OR10A3: variants seen among roughly 807,000 people sequenced by gnomAD.
The protein encoded by OR10A3 is olfactory receptor family 10 subfamily A member 3, also known as olfactory receptor 10A3.
OR10A3 carries 1 observed loss-of-function variant against 1.5 expected under a neutral mutation model. The observed-to-expected ratio is 0.66, with a 90% CI of 0.23 to 3.11. The LOEUF (loss-of-function observed/expected upper bound fraction) is 3.11. Ranked by LOEUF, OR10A3 falls within the 30% of genes most tolerant of loss-of-function variation. OR10A3 has a pLI of 0.21. For synonymous variants in OR10A3, 145 were observed against 143.7 expected, an observed-to-expected ratio of 1.01 and a Z score of -0.06; for missense variants, 398 against 369.7, an observed-to-expected ratio of 1.08 and a Z score of -0.63.
chr11:7,939,049 C>G lies in OR10A3; in HGVS notation c.472G>C (p.Val158Leu). The G allele has an allele frequency of 6.2e-7, 1 of 1,613,956 alleles. No individual in the cohort carries two copies. The highest frequency in any genetic ancestry group is 1.1e-5 in the South Asian group (1 of 91,080). The change falls in exon 2 of 2, where the codon GTG becomes CTG. Residue 158 changes from valine to leucine, a missense_variant. Val to Leu is a conservative substitution (Grantham distance 32). Coordinates refer to ENST00000642047, the MANE Select transcript of OR10A3 (RefSeq NM_001003745.2). Reference protein sequence around the residue: ...SWISGIMVATVQTTWVFSFPF... With the variant: ...SWISGIMVATLQTTWVFSFPF... ...AAACTAAATACCCAAGTGGTCTGCA[C>G]AGTAGCCACCATGATCCCTGAGATC...
intron 1 of OR10A3, among the ~76,000 whole-genome samples, chr11:7,939,940 G>A (rs893425474): frequency 1.3e-5 from 2 of 152,172 alleles, no homozygotes; most frequent in Non-Finnish European, 2.9e-5. Context: ...AAGAGCAACT[G>A]AACCTGAGTT....
Position 7,939,430 on chromosome 11 carries a change from A to G in OR10A3, c.91T>C (p.Phe31Leu). 1 of 1,613,618 alleles carries G rather than the reference A, an allele frequency of 6.2e-7. No individual in the cohort carries two copies. The highest frequency in any genetic ancestry group is 8.5e-7 in the Non-Finnish European group (1 of 1,179,886). Residue 31 changes from phenylalanine to leucine, a missense_variant, in exon 2 of 2, where the codon TTC (phenylalanine) becomes CTC (leucine). Transcript: ENST00000642047. ...PELQVQLFGV[F>L]LVIYVVTLMG... ...AGGGTCACCACATAAATAACTAGGA[A>G]AACCCCAAAGAGCTGCACCTGGAGC... is the stretch of plus-strand genomic sequence containing the variant.
chr11:7,938,990 G>T lies in OR10A3; in HGVS notation c.531C>A (p.Leu177=). ...CTAGTACCGGGGGAGTCTCACAGAA[G>T]AGATGATTAATTTCATTGGGGCCAC... ...PFCGPNEINH[L]FCETPPVLEL... is the part of the protein sequence containing the mutation. The change falls in exon 2 of 2, where the codon CTC becomes CTA. Residue 177 remains leucine (L), a synonymous_variant. Coordinates refer to ENST00000642047, the MANE Select transcript of OR10A3 (RefSeq NM_001003745.2). The T allele has an allele frequency of 6.2e-6, 10 of 1,614,164 alleles. No individual in the cohort carries two copies. Among genetic ancestry groups the T allele is most frequent in the Non-Finnish European group, 7.6e-6 (9 of 1,180,038 alleles).
Position 7,938,925 on chromosome 11 carries a change from G to A in OR10A3, c.596C>T (p.Ala199Val). The A allele has an allele frequency of 6.2e-7, 1 of 1,614,122 alleles. No individual in the cohort carries two copies. The change falls in exon 2 of 2, where the codon GCC (alanine) becomes GTC (valine). Residue 199 changes from alanine to valine, a missense_variant. Physicochemically the swap from Ala to Val is moderately conservative, Grantham distance 64 (BLOSUM62 0). Coordinates refer to ENST00000642047, the MANE Select transcript of OR10A3 (RefSeq NM_001003745.2). Reference protein sequence around the residue: ...CADTFLFEIYAFTGTILIVMV... With the variant: ...CADTFLFEIYVFTGTILIVMV... Reference sequence around the variant, plus strand: ...AACAATCAAAATGGTGCCTGTGAAGGCATAGATTTCAAATAAGAAGGTGTC... The same window carrying A: ...AACAATCAAAATGGTGCCTGTGAAGACATAGATTTCAAATAAGAAGGTGTC...
In OR10A3 at chr11:7,939,619, C is replaced by T. The variant is rs980667163; in HGVS notation, c.-99G>A. 2.7e-5 allele frequency: 24 copies of T among 902,326 alleles called. 1 individual carries two copies. The highest frequency in any genetic ancestry group is 3.6e-5 in the Non-Finnish European group (22 of 616,444). 55.9% of individuals were successfully genotyped at this position (902,326 alleles called of 1,614,324 possible). A position where few individuals can be genotyped will look rare whatever the true frequency, so the allele number is the denominator to read the frequency against. On this transcript the variant is annotated 5_prime_UTR_variant, in exon 2 of 2. Coordinates refer to ENST00000642047, the MANE Select transcript of OR10A3 (RefSeq NM_001003745.2). ...AGTTCAAGTCTGGAATTCTTGACAGCAGATGTAATGACAAGCTCATTTTGA... is the reference window on the plus strand; with the variant it reads ...AGTTCAAGTCTGGAATTCTTGACAGTAGATGTAATGACAAGCTCATTTTGA...
intron 1 of OR10A3, among the ~76,000 whole-genome samples, chr11:7,941,109 C>G (rs547995089): frequency 6.6e-6 from 1 of 152,116 alleles, no homozygotes; most frequent in East Asian, 1.9e-4. Flanking sequence ...AAAAAAATGC[C>G]TAAGTATCAT....
At position 7,939,513 on chromosome 11, in the gene OR10A3, C is replaced by G. The variant is rs771040229; in HGVS notation, c.8G>C (p.Arg3Thr). Residue 3 changes from arginine (R) to threonine (T), a missense_variant, in exon 2 of 2, where the codon AGA becomes ACA. By Grantham distance (71) the Arg-to-Thr change is moderately conservative (BLOSUM62 -1). Coordinates refer to ENST00000642047, the MANE Select transcript of OR10A3 (RefSeq NM_001003745.2). MKRQNQSCVVEFI... is the reference protein window; with the variant it reads MKTQNQSCVVEFI... ...TTCAACCACACAGCTTTGATTTTGT[C>G]TTTTCATTTCAGTAGTTGAAACTTA... 9 of 1,558,824 alleles carry G rather than the reference C, an allele frequency of 5.8e-6. No homozygotes were observed. The Admixed American group carries it at 1.9e-4, about 33-fold the overall frequency.
Position 7,938,873 on chromosome 11 carries a change from C to G in OR10A3, c.648G>C (p.Leu216Phe). 1.2e-6 allele frequency: 2 copies of G among 1,614,130 alleles called. No homozygotes were observed. Among genetic ancestry groups the G allele is most frequent in the Non-Finnish European group, 8.5e-7 (1 of 1,180,030 alleles). Residue 216 changes from leucine to phenylalanine, a missense_variant, in exon 2 of 2, where the codon TTG (leucine) becomes TTC (phenylalanine). Physicochemically the swap from Leu to Phe is conservative, Grantham distance 22. Coordinates refer to ENST00000642047, the MANE Select transcript of OR10A3 (RefSeq NM_001003745.2). ...TGGCAAACAGAACTCGAATGTAAGA[C>G]AAGAGGATCAACAAGAAAGGAACCA... ...IVMVPFLLIL[L>F]SYIRVLFAIL...
At position 7,939,557 on chromosome 11, in the gene OR10A3, G is replaced by C. The variant is rs1658830641; in HGVS notation, c.-37C>G. 2 of 1,455,018 alleles carry C rather than the reference G, an allele frequency of 1.4e-6. No homozygotes were observed. The highest frequency in any genetic ancestry group is 2.8e-5 in the African/African-American group (2 of 70,186). The allele number at this position is 1,455,018 out of a possible 1,614,324, so 90.1% of individuals were successfully genotyped here. On this transcript the variant is annotated 5_prime_UTR_variant, in exon 2 of 2. Transcript: ENST00000642047. ...AAACTTATATTGTTTTTATGGACCT[G>C]GTATATCGAGTATGAAGTCGTAATC...
Position 7,937,734 on chromosome 11 carries a change from C to T in OR10A3, c.*842G>A, listed in dbSNP as rs1195623397. The T allele has an allele frequency of 6.6e-6, 1 of 152,042 alleles. No individual in the cohort carries two copies. The highest frequency in any genetic ancestry group is 2.1e-4 in the South Asian group (1 of 4,824). The allele number at this position is 152,042 out of a possible 1,614,324, so 9.4% of individuals were successfully genotyped here. A position where few individuals can be genotyped will look rare whatever the true frequency, so the allele number is the denominator to read the frequency against. On this transcript the variant is annotated 3_prime_UTR_variant, in exon 2 of 2. Transcript: ENST00000642047. Reference sequence around the variant, plus strand: ...TAGATGCACTTTTTTTTTACTCATCCGTGGAACAAATTTTCAATCCAAAAA... The same window carrying T: ...TAGATGCACTTTTTTTTTACTCATCTGTGGAACAAATTTTCAATCCAAAAA...
chr11:7,937,297 T>C lies in OR10A3; in HGVS notation c.*1279A>G, dbSNP rs1941368987. The C allele has an allele frequency of 1.3e-5, 2 of 152,168 alleles. No individual in the cohort carries two copies. Among genetic ancestry groups the C allele is most frequent in the Admixed American group, 1.3e-4 (2 of 15,270 alleles). The allele number at this position is 152,168 out of a possible 1,614,324, so 9.4% of individuals were successfully genotyped here. A position where few individuals can be genotyped will look rare whatever the true frequency, so the allele number is the denominator to read the frequency against. On this transcript the variant is annotated 3_prime_UTR_variant, in exon 2 of 2. Transcript: ENST00000642047. Reference sequence around the variant, plus strand: ...AGAATATGTATATCTAATCTTAACATCACAGTATCAGTTTTATTCCAATTA... The same window carrying C: ...AGAATATGTATATCTAATCTTAACACCACAGTATCAGTTTTATTCCAATTA...
Position 7,938,585 on chromosome 11 carries a change from G to A in OR10A3, c.936C>T (p.His312=), listed in dbSNP as rs926817523. 1.2e-6 allele frequency: 2 copies of A among 1,609,536 alleles called. No individual in the cohort carries two copies. The highest frequency in any genetic ancestry group is 1.7e-6 in the Non-Finnish European group (2 of 1,177,674). The change falls in exon 2 of 2, where the codon CAC becomes CAT. Residue 312 remains histidine, a synonymous_variant. Transcript: ENST00000642047. The stretch of plus-strand genomic sequence containing the variant: ...CAGCTTCTCAACACAATCAGAATGT[G>A]TGTAAAATCACTTTTCTTCGCCATA... ...IKLWRRKVIL[H]TF
chr11:7,939,216 T>G lies in OR10A3; in HGVS notation c.305A>C (p.Tyr102Ser). The part of the protein sequence containing the change: ...ISFVGCFAQM[Y>S]FILLFGGTEC... ...AGTCCCACCAAAAAGAAGGATGAAATACATCTGTGCAAAACAGCCCACAAA... is the reference window on the plus strand; with the variant it reads ...AGTCCCACCAAAAAGAAGGATGAAAGACATCTGTGCAAAACAGCCCACAAA... Residue 102 changes from tyrosine to serine, a missense_variant, in exon 2 of 2, where the codon TAT becomes TCT. Transcript: ENST00000642047. 6.2e-7 allele frequency: 1 copy of G among 1,614,136 alleles called. No individual in the cohort carries two copies. Among genetic ancestry groups the G allele is most frequent in the Non-Finnish European group, 8.5e-7 (1 of 1,180,030 alleles).
Position 7,939,463 on chromosome 11 carries a change from A to T in OR10A3, c.58T>A (p.Phe20Ile). The change falls in exon 2 of 2, where the codon TTT (phenylalanine) becomes ATT (isoleucine). Residue 20 changes from phenylalanine (F) to isoleucine (I), a missense_variant. Coordinates refer to ENST00000642047, the MANE Select transcript of OR10A3 (RefSeq NM_001003745.2). ...VEFILLGFSN[F>I]PELQVQLFGV... Reference sequence around the variant, plus strand: ...AAGAGCTGCACCTGGAGCTCAGGAAAGTTAGAAAAGCCCAGGAGGATGAAT... The same window carrying T: ...AAGAGCTGCACCTGGAGCTCAGGAATGTTAGAAAAGCCCAGGAGGATGAAT... 6.3e-7 allele frequency: 1 copy of T among 1,594,920 alleles called. No homozygotes were observed. Among genetic ancestry groups the T allele is most frequent in the Non-Finnish European group, 8.5e-7 (1 of 1,175,112 alleles).
At chr11:7,940,194 T>C (rs1173796799) in intron 1 of OR10A3, among the ~76,000 whole-genome samples, 3 of 152,144 alleles carry the variant, frequency 2.0e-5, no homozygotes, top group Admixed American at 1.3e-4. Flanking sequence ...CATGGAGTAG[T>C]GGTGGGTGGG....
In OR10A3 at chr11:7,939,683, A is replaced by G; in HGVS notation, c.-163T>C. 1 of 536,368 alleles carries G rather than the reference A, an allele frequency of 1.9e-6. No homozygotes were observed. The highest frequency in any genetic ancestry group is 3.4e-5 in the South Asian group (1 of 29,708). 33.2% of individuals were successfully genotyped at this position (536,368 alleles called of 1,614,324 possible). On this transcript the variant is annotated 5_prime_UTR_variant, in exon 2 of 2. Transcript: ENST00000642047. ...TGGCACTTTTGAAGAATGGCCAATG[A>G]CTTGTAATAGTGAATCTTTAAAATA...
chr11:7,939,589 C>T lies in OR10A3; in HGVS notation c.-69G>A. 2 of 1,229,108 alleles carry T rather than the reference C, an allele frequency of 1.6e-6. No homozygotes were observed. 76.1% of individuals were successfully genotyped at this position (1,229,108 alleles called of 1,614,324 possible). A position where few individuals can be genotyped will look rare whatever the true frequency, so the allele number is the denominator to read the frequency against. On this transcript the variant is annotated 5_prime_UTR_variant, in exon 2 of 2. Coordinates refer to ENST00000642047, the MANE Select transcript of OR10A3 (RefSeq NM_001003745.2). The stretch of plus-strand genomic sequence containing the variant: ...CGAGTATGAAGTCGTAATCCCATAG[C>T]TGTGAGTTCAAGTCTGGAATTCTTG...
At chr11:7,941,482 A>G (rs1245394262) in intron 1 of OR10A3, 105 bp downstream of exon 1, 1 of 152,160 alleles carries the variant, frequency 6.6e-6, no homozygotes, top group Non-Finnish European at 1.5e-5. Flanking sequence ...TCCCTCAACT[A>G]CATACCTCTA....
rs1941410995 is a variant in OR10A3, at chr11:7,939,584, C to T, written c.-64G>A. Reference sequence around the variant, plus strand: ...TATATCGAGTATGAAGTCGTAATCCCATAGCTGTGAGTTCAAGTCTGGAAT... The same window carrying T: ...TATATCGAGTATGAAGTCGTAATCCTATAGCTGTGAGTTCAAGTCTGGAAT... On this transcript the variant is annotated 5_prime_UTR_variant, in exon 2 of 2. The change abolishes an upstream ATG in the 5' untranslated region. Transcript: ENST00000642047. 8.0e-7 allele frequency: 1 copy of T among 1,250,308 alleles called. No homozygotes were observed. Among genetic ancestry groups the T allele is most frequent in the African/African-American group, 1.5e-5 (1 of 66,026 alleles). The allele number at this position is 1,250,308 out of a possible 1,614,324, so 77.5% of individuals were successfully genotyped here. A position where few individuals can be genotyped will look rare whatever the true frequency, so the allele number is the denominator to read the frequency against.
Sources: gnomAD v4.1 joint callset for allele counts (sites outside exome capture counted in the v4.1 genomes callset) on GRCh38, gnomAD v4.1.1 for gene constraint, MANE v1.5 for transcripts, NCBI Gene and HGNC (gene_info 2026-07-23, HGNC 2026-07-21) for gene names.